SEMA3A: variants seen among roughly 807,000 people sequenced by gnomAD.
The protein encoded by SEMA3A is semaphorin 3A.
In SEMA3A, 29 loss-of-function variants were observed where a neutral mutation model predicts 97.9. That is an observed-to-expected ratio of 0.30 (90% CI 0.22 to 0.40). The LOEUF (loss-of-function observed/expected upper bound fraction) is 0.40, where lower values mean the gene tolerates loss of function less well. Among genes scored for constraint, SEMA3A ranks in the 10% least tolerant of loss-of-function variants. The pLI is 1.00. For synonymous variants in SEMA3A, 321 were observed against 323.7 expected (o/e 0.99, Z 0.09); for missense variants, 763 against 951.3 (o/e 0.80, Z 2.60).
At chr7:84,347,221 T>A (rs1475820684) in intron 2 of SEMA3A, among the ~76,000 whole-genome samples, 3 of 152,138 alleles carry the variant, frequency 2.0e-5, no homozygotes, top group Non-Finnish European at 4.4e-5. Flanking sequence ...TGCATTTCCA[T>A]AAAGACTTGT....
intron 2 of SEMA3A, among the ~76,000 whole-genome samples, chr7:84,327,897 T>A (rs904874443): frequency 6.6e-6 from 1 of 151,930 alleles, no homozygotes; most frequent in South Asian, 2.1e-4. Flanking sequence ...TTAGCCAGAG[T>A]TAAAATGTAA....
At chr7:84,398,882 G>C (rs1803815768) in intron 1 of SEMA3A, among the ~76,000 whole-genome samples, 1 of 152,090 alleles carries the variant, frequency 6.6e-6, no homozygotes, top group Non-Finnish European at 1.5e-5. Context: ...AGATGGCCTA[G>C]TAGAACCCTC....
intron 2 of SEMA3A, among the ~76,000 whole-genome samples, chr7:84,357,121 C>G (rs886102597): frequency 6.7e-6 from 1 of 149,118 alleles, no homozygotes; most frequent in Non-Finnish European, 1.5e-5. Context: ...TCTATTTTTT[C>G]TTTTATATAT....
intron 1 of SEMA3A, among the ~76,000 whole-genome samples, chr7:84,417,495 G>A (rs1330204389): frequency 1.3e-5 from 2 of 151,970 alleles, no homozygotes; most frequent in East Asian, 3.9e-4. Context: ...TGACGCGTTT[G>A]TTTCCATATA....
intron 1 of SEMA3A, among the ~76,000 whole-genome samples, chr7:84,406,660 C>T (rs1302054011): frequency 6.6e-6 from 1 of 152,064 alleles, no homozygotes; most frequent in East Asian, 1.9e-4. Context: ...CAATAAAATA[C>T]TGGCAAACTG....
intron 1 of SEMA3A, among the ~76,000 whole-genome samples, chr7:84,138,970 C>G (rs1562806737): frequency 6.6e-6 from 1 of 151,866 alleles, no homozygotes; most frequent in Non-Finnish European, 1.5e-5. Flanking sequence ...TTCTGTTTTC[C>G]TTAGTTAAAT....
At chr7:84,180,037 C>T (rs1797692990) in intron 1 of SEMA3A, among the ~76,000 whole-genome samples, 1 of 149,070 alleles carries the variant, frequency 6.7e-6, no homozygotes, top group Non-Finnish European at 1.5e-5. Context: ...ACCTCCACCT[C>T]CCGGGTTCAA....
At position 84,150,392 on chromosome 7, in the gene SEMA3A, G is replaced by A. The variant is rs11975142; in HGVS notation, c.113-15441C>T. On this transcript the variant is annotated intron_variant, in intron 1 of 16. Transcript: ENST00000265362. Reference sequence around the variant, plus strand: ...AGGTCAGTGGGTGCGCACACTGTGCGCGAGCCGAAGCAGGGCGAGGCATTG... The same window carrying A: ...AGGTCAGTGGGTGCGCACACTGTGCACGAGCCGAAGCAGGGCGAGGCATTG... 8.2e-3 allele frequency among the ~76,000 whole-genome samples: 1,254 copies of A among 152,292 alleles called. 20 individuals carry two copies. Among genetic ancestry groups the A allele is most frequent in the African/African-American group, 0.028 (1,164 of 41,566 alleles).
chr7:84,037,324 TTTGTTGTTG>T (rs970515144), intron 6 of SEMA3A, among the ~76,000 whole-genome samples: 42 of 151,972 alleles, frequency 2.8e-4, no homozygotes, highest in Middle Eastern at 3.4e-3. Context: ...CTTTTGTTTA[TTTGTTGTTG>T]TTGTTGTTGT....
chr7:84,125,450 T>C (rs1308435027), intron 3 of SEMA3A, among the ~76,000 whole-genome samples: 1 of 152,222 alleles, frequency 6.6e-6, no homozygotes, highest in Non-Finnish European at 1.5e-5. Context: ...TTTGAAAGTA[T>C]TCTTGACCAG....
intron 1 of SEMA3A, among the ~76,000 whole-genome samples, chr7:84,181,108 C>T (rs2116236207): frequency 6.6e-6 from 1 of 152,008 alleles, no homozygotes; most frequent in East Asian, 1.9e-4. Context: ...CCAGTGATTT[C>T]TTTCTTTTGC....
At chr7:84,016,459 A>G (rs1584549929) in intron 6 of SEMA3A, among the ~76,000 whole-genome samples, 1 of 150,320 alleles carries the variant, frequency 6.7e-6, no homozygotes, top group East Asian at 2.0e-4. Flanking sequence ...AATGGCATTA[A>G]CCCGGGAGGC....
intron 1 of SEMA3A, among the ~76,000 whole-genome samples, chr7:84,426,696 G>T (rs1445281776): frequency 4.0e-5 from 6 of 151,860 alleles, no homozygotes; most frequent in African/African-American, 1.5e-4. Flanking sequence ...TTCACTATTA[G>T]CTGAGAAAAT....
intron 1 of SEMA3A, among the ~76,000 whole-genome samples, chr7:84,382,140 C>T (rs1426751652): frequency 1.3e-5 from 2 of 152,094 alleles, no homozygotes; most frequent in South Asian, 2.1e-4. Context: ...TGGAGTCTCG[C>T]TCTGTCGCCC....
chr7:84,143,066 C>A (rs752332646), intron 1 of SEMA3A, among the ~76,000 whole-genome samples: 1 of 152,098 alleles, frequency 6.6e-6, no homozygotes, highest in South Asian at 2.1e-4. Context: ...ATACTCACTG[C>A]CACTGTCCTA....
At position 84,009,715 on chromosome 7, in the gene SEMA3A, GAGACTT is replaced by G. The variant is rs568756729; in HGVS notation, c.995+1301_995+1306del. On this transcript the variant is annotated intron_variant, in intron 9 of 16. Coordinates refer to ENST00000265362, the MANE Select transcript of SEMA3A (RefSeq NM_006080.3). ...ATAATCTCTGCTTAATTGACAGCGA[GAGACTT>G]AGGGAGGATGAGAAATAGGAAAAGG... 2.0e-4 allele frequency among the ~76,000 whole-genome samples: 30 copies of G among 152,000 alleles called. 1 individual carries two copies. The South Asian group carries it at 6.2e-3, about 32-fold the overall frequency.
chr7:84,359,927 G>A (rs1258375301), intron 2 of SEMA3A, among the ~76,000 whole-genome samples: 1 of 151,068 alleles, frequency 6.6e-6, no homozygotes, highest in Non-Finnish European at 1.5e-5. Context: ...TATTTGCGTA[G>A]AGGTGTTTGT....
upstream of SEMA3A, among the ~76,000 whole-genome samples, chr7:84,198,886 C>T (rs1643875515): frequency 6.6e-6 from 1 of 152,144 alleles, no homozygotes; most frequent in African/African-American, 2.4e-5. Flanking sequence ...CATTTCACAA[C>T]AGGTTAGTTA....
intron 6 of SEMA3A, among the ~76,000 whole-genome samples, chr7:84,042,925 T>C (rs1301837703): frequency 6.6e-6 from 1 of 152,104 alleles, no homozygotes; most frequent in African/African-American, 2.4e-5. Context: ...AACAGCAGCA[T>C]AAACTTATTT....
Sources: allele counts gnomAD v4.1 joint callset (sites outside exome capture counted in the v4.1 genomes callset), GRCh38; gene constraint gnomAD v4.1.1; transcripts MANE v1.5; gene names NCBI Gene and HGNC (gene_info 2026-07-23, HGNC 2026-07-21).